The following SLC39A11 variants were observed in gnomAD, a reference collection of about 807,000 sequenced individuals.
The protein encoded by SLC39A11 is solute carrier family 39 member 11.
SLC39A11 carries 33 observed loss-of-function variants against 36.1 expected under a neutral mutation model. The ratio of observed to expected loss-of-function variants is 0.91; its 90% CI spans 0.69 to 1.22. The LOEUF (loss-of-function observed/expected upper bound fraction) is 1.22. Among genes scored for constraint, SLC39A11 ranks in the 50% most tolerant of loss-of-function variants. The pLI, the probability that SLC39A11 is intolerant of heterozygous loss-of-function variation, is 0.00. For missense variants in SLC39A11, 432 were observed against 430.3 expected (o/e 1.00, Z -0.03); for synonymous variants, 166 against 170.3 (o/e 0.97, Z 0.20).
chr17:73,005,417 T>G (rs899671992), intron 4 of SLC39A11, among the ~76,000 whole-genome samples: 3 of 152,228 alleles, frequency 2.0e-5, no homozygotes, highest in Admixed American at 6.5e-5. Flanking sequence ...CATGCCTGAC[T>G]GTGTGTCTGA....
At chr17:72,993,131 A>C (rs547527222) in intron 4 of SLC39A11, among the ~76,000 whole-genome samples, 19 of 152,136 alleles carry the variant, frequency 1.2e-4, no homozygotes, top group African/African-American at 4.3e-4. Context: ...ATTCAAGATG[A>C]GATTTGGGTG....
chr17:72,649,341 G>T, intron 7 of SLC39A11, 73 bp from the exon 8 acceptor site: 1 of 1,375,730 alleles, frequency 7.3e-7, no homozygotes, highest in African/African-American at 1.4e-5. Context: ...CCCTGGCCGA[G>T]GCCAAGACCT....
In SLC39A11 at chr17:72,959,325, G is replaced by GTGTGTATA. The variant is rs1436484912; in HGVS notation, c.307-11451_307-11450insTATACACA. Among the ~76,000 whole-genome samples, 223 of 65,476 alleles carry GTGTGTATA rather than the reference G, an allele frequency of 3.4e-3. 4 individuals carry two copies. Among genetic ancestry groups the GTGTGTATA allele is most frequent in the African/African-American group, 0.014 (205 of 14,472 alleles). The allele number at this position is 65,476 out of a possible 152,430, so 43.0% of individuals were successfully genotyped here. The stretch of plus-strand genomic sequence containing the variant: ...CTGGTGTATGTATGTGTGTGTGTGT[G>GTGTGTATA]TATATATATATATATATATATATAT... On this transcript the variant is annotated intron_variant, in intron 4 of 9. Transcript: ENST00000255559.
intron 4 of SLC39A11, among the ~76,000 whole-genome samples, chr17:73,001,494 C>T (rs1216292829): frequency 1.3e-5 from 2 of 150,938 alleles, no homozygotes; most frequent in African/African-American, 2.4e-5. Context: ...AGCACACCAG[C>T]ATGGCACATG....
At chr17:73,088,592 T>C in intron 2 of SLC39A11, 65 bp downstream of exon 2, 1 of 1,287,174 alleles carries the variant, frequency 7.8e-7, no homozygotes, top group Non-Finnish European at 1.1e-6. Context: ...CTCCATGGAG[T>C]GGGACAGTGC....
chr17:72,915,785 T>C (rs1243810824), intron 5 of SLC39A11, among the ~76,000 whole-genome samples: 1 of 152,226 alleles, frequency 6.6e-6, no homozygotes, highest in Non-Finnish European at 1.5e-5. Context: ...CAGTAGCTCC[T>C]ATATTCACAC....
At chr17:72,650,415 A>C (rs926189208) in intron 7 of SLC39A11, among the ~76,000 whole-genome samples, 2 of 152,248 alleles carry the variant, frequency 1.3e-5, no homozygotes, top group Admixed American at 6.5e-5. Context: ...AGGCATGTAC[A>C]TGAAGAACCC....
chr17:72,781,699 G>T (rs773890356), intron 6 of SLC39A11, among the ~76,000 whole-genome samples: 1 of 152,126 alleles, frequency 6.6e-6, no homozygotes, highest in East Asian at 1.9e-4. Context: ...GATTACAGGC[G>T]TGAGCCACTG....
chr17:73,048,078 G>C (rs1414546537), intron 3 of SLC39A11, among the ~76,000 whole-genome samples: 1 of 140,226 alleles, frequency 7.1e-6, no homozygotes, highest in East Asian at 2.2e-4. Context: ...TTTAATTTCA[G>C]CTTTTAGTTT....
At chr17:72,669,729 T>G (rs943599432) in intron 7 of SLC39A11, among the ~76,000 whole-genome samples, 7 of 152,050 alleles carry the variant, frequency 4.6e-5, no homozygotes, top group African/African-American at 1.7e-4. Context: ...TGCGGTGGCT[T>G]AAGCCTGTAA....
intron 5 of SLC39A11, among the ~76,000 whole-genome samples, chr17:72,941,770 C>G (rs556700486): frequency 6.6e-6 from 1 of 152,194 alleles, no homozygotes; most frequent in African/African-American, 2.4e-5. Context: ...TATCCAGATG[C>G]GAAAAAGCTT....
intron 7 of SLC39A11, among the ~76,000 whole-genome samples, chr17:72,704,497 GATGT>G (rs1347335230): frequency 2.0e-5 from 3 of 152,172 alleles, no homozygotes; most frequent in Admixed American, 6.5e-5. Flanking sequence ...TAAAGATGAG[GATGT>G]ATGTTGACAA....
At chr17:72,940,351 C>A (rs1280931517) in intron 5 of SLC39A11, among the ~76,000 whole-genome samples, 1 of 151,570 alleles carries the variant, frequency 6.6e-6, no homozygotes, top group Non-Finnish European at 1.5e-5. Context: ...TCTCAGCTCA[C>A]TGTAACCTCT....
intron 7 of SLC39A11, among the ~76,000 whole-genome samples, chr17:72,663,564 T>G (rs146961483): frequency 6.6e-6 from 1 of 152,066 alleles, no homozygotes; most frequent in Non-Finnish European, 1.5e-5. Flanking sequence ...TAGTTATATG[T>G]GATTTTGAAC....
At chr17:72,973,850 G>A (rs946068661) in intron 4 of SLC39A11, among the ~76,000 whole-genome samples, 3 of 152,052 alleles carry the variant, frequency 2.0e-5, no homozygotes, top group Admixed American at 1.3e-4. Context: ...ATGAACCACC[G>A]CACCTGGCCA....
intron 7 of SLC39A11, among the ~76,000 whole-genome samples, chr17:72,714,885 T>C (rs1041251468): frequency 2.0e-5 from 3 of 152,216 alleles, no homozygotes; most frequent in Non-Finnish European, 2.9e-5. Flanking sequence ...GTGAAGCTAA[T>C]AGTGAGAGGT....
At chr17:72,791,367 G>A (rs529314905) in intron 6 of SLC39A11, among the ~76,000 whole-genome samples, 12 of 152,286 alleles carry the variant, frequency 7.9e-5, no homozygotes, top group African/African-American at 2.4e-4. Context: ...CAGGAGAATC[G>A]CTTGAACCTG....
In SLC39A11 at chr17:72,914,062, C is replaced by T. The variant is rs1162179752; in HGVS notation, c.430+33690G>A. ...ATGCGTGGTGACTCACGCCTGTAAT[C>T]CCAGCACTTTGGGAGGCCGAGGTGG... On this transcript the variant is annotated intron_variant, in intron 5 of 9. Transcript: ENST00000255559. Among the ~76,000 whole-genome samples, 7 of 148,796 alleles carry T rather than the reference C, an allele frequency of 4.7e-5. No homozygotes were observed. The East Asian group carries it at 1.2e-3, about 25-fold the overall frequency.
chr17:72,966,980 G>A (rs1398445951), intron 4 of SLC39A11, among the ~76,000 whole-genome samples: 1 of 152,154 alleles, frequency 6.6e-6, no homozygotes, highest in African/African-American at 2.4e-5. Flanking sequence ...GCCCTATTGT[G>A]AACTGTGCAT....
Sources: allele counts gnomAD v4.1 joint callset (sites outside exome capture counted in the v4.1 genomes callset), GRCh38; gene constraint gnomAD v4.1.1; transcripts MANE v1.5; gene names NCBI Gene and HGNC (gene_info 2026-07-23, HGNC 2026-07-21).